ADAMTSL1: variants seen among roughly 807,000 people sequenced by gnomAD.
ADAMTSL1 encodes ADAMTS-like protein 1.
In ADAMTSL1, 126 loss-of-function variants were observed where a neutral mutation model predicts 201.8. The ratio of observed to expected loss-of-function variants is 0.62; its 90% CI spans 0.54 to 0.72. The LOEUF (loss-of-function observed/expected upper bound fraction) is 0.72. ADAMTSL1 is among the 30% of genes least tolerant of loss of function. The probability of loss-of-function intolerance (pLI) is 0.00; values close to 1 mark genes in which losing one functional copy is unlikely to be tolerated. For synonymous variants in ADAMTSL1, 1,121 were observed against 903.4 expected, an observed-to-expected ratio of 1.24 and a Z score of -4.32; for missense variants, 2,679 against 2,277.8, an observed-to-expected ratio of 1.18 and a Z score of -3.59.
intron 7 of ADAMTSL1, among the ~76,000 whole-genome samples, chr9:18,652,329 T>A (rs1487628357): frequency 1.5e-5 from 2 of 137,530 alleles, no homozygotes; most frequent in African/African-American, 2.8e-5. Context: ...TGCACCATTG[T>A]ACTCCAGCTT....
chr9:18,714,371 A>G (rs924222002), intron 14 of ADAMTSL1, among the ~76,000 whole-genome samples: 4 of 152,202 alleles, frequency 2.6e-5, no homozygotes, highest in East Asian at 1.9e-4. Flanking sequence ...ATAAAGAAAA[A>G]AAGAAGAATC....
chr9:17,980,157 G>A (rs908469494), intron 1 of ADAMTSL1, among the ~76,000 whole-genome samples: 2 of 152,038 alleles, frequency 1.3e-5, no homozygotes, highest in Admixed American at 1.3e-4. Flanking sequence ...TCTTAAATGA[G>A]TATTTTCTTA....
At chr9:18,615,356 G>T (rs1825631953) in intron 4 of ADAMTSL1, among the ~76,000 whole-genome samples, 1 of 152,192 alleles carries the variant, frequency 6.6e-6, no homozygotes, top group South Asian at 2.1e-4. Flanking sequence ...GGTGTTGTTG[G>T]GGCTGAGCCC....
chr9:18,528,021 GT>G (rs1236483716), intron 2 of ADAMTSL1, among the ~76,000 whole-genome samples: 1 of 151,976 alleles, frequency 6.6e-6, no homozygotes, highest in Non-Finnish European at 1.5e-5. Flanking sequence ...GGGATTACAG[GT>G]GCCTGCCACC....
intron 12 of ADAMTSL1, among the ~76,000 whole-genome samples, chr9:18,684,309 A>G (rs576164278): frequency 6.6e-6 from 1 of 152,352 alleles, no homozygotes; most frequent in East Asian, 1.9e-4. Context: ...CAAAAAAAAA[A>G]AAGTTAGAAT....
At chr9:18,649,191 G>T (rs1035046070) in intron 7 of ADAMTSL1, among the ~76,000 whole-genome samples, 5 of 152,122 alleles carry the variant, frequency 3.3e-5, no homozygotes, top group Non-Finnish European at 5.9e-5. Flanking sequence ...AGCTCCTGAG[G>T]CTTCTGCATT....
chr9:18,842,604 T>C (rs1825795847), intron 23 of ADAMTSL1, among the ~76,000 whole-genome samples: 1 of 152,206 alleles, frequency 6.6e-6, no homozygotes, highest in Admixed American at 6.5e-5. Flanking sequence ...ATTAACTTTC[T>C]GTCTTGTTGA....
intron 15 of ADAMTSL1, among the ~76,000 whole-genome samples, chr9:18,736,896 AC>A (rs1251993849): frequency 2.6e-5 from 4 of 152,332 alleles, no homozygotes; most frequent in Admixed American, 6.5e-5. Flanking sequence ...TTTGCTACTT[AC>A]CACATTTTGG....
intron 1 of ADAMTSL1, among the ~76,000 whole-genome samples, chr9:17,979,100 A>C (rs1225903818): frequency 6.6e-6 from 1 of 152,062 alleles, no homozygotes. Context: ...CTGCTTTAAA[A>C]AATTTCCCTC....
chr9:18,524,075 C>T (rs1042736458), intron 2 of ADAMTSL1, among the ~76,000 whole-genome samples: 1 of 150,714 alleles, frequency 6.6e-6, no homozygotes, highest in Non-Finnish European at 1.5e-5. Flanking sequence ...TACCCATGAG[C>T]ATGGAATGTT....
At chr9:18,018,704 C>G (rs143733836) in intron 1 of ADAMTSL1, among the ~76,000 whole-genome samples, 1 of 152,038 alleles carries the variant, frequency 6.6e-6, no homozygotes. Context: ...GACCACAGCC[C>G]CAGTCATCAA....
chr9:18,468,355 T>C (rs1821086095), intron 2 of ADAMTSL1, among the ~76,000 whole-genome samples: 1 of 152,220 alleles, frequency 6.6e-6, no homozygotes, highest in African/African-American at 2.4e-5. Context: ...ACAAGTATCT[T>C]TGAATTTGAA....
rs1477442585 is a variant in ADAMTSL1 at position 18,753,444 on chromosome 9, G to A, written c.2153G>A (p.Ser718Asn). 6.2e-7 allele frequency: 1 copy of A among 1,613,538 alleles called. No homozygotes were observed. Among genetic ancestry groups the A allele is most frequent in the East Asian group, 2.2e-5 (1 of 44,854 alleles). The change falls in exon 16 of 29, where the codon AGC becomes AAC. Residue 718 changes from serine to asparagine, a missense_variant. Coordinates refer to ENST00000380548, the MANE Select transcript of ADAMTSL1 (RefSeq NM_001040272.6). Reference protein sequence around the residue: ...ADELCRQPKPSTVQACNRFNC... With the variant: ...ADELCRQPKPNTVQACNRFNC... ...GAGCTGTGTCGCCAGCCCAAGCCCA[G>A]CACGGTGCAAGCTTGTAACCGCTTT...
chr9:18,431,088 A>G (rs1399514934), intron 2 of ADAMTSL1, among the ~76,000 whole-genome samples: 1 of 152,226 alleles, frequency 6.6e-6, no homozygotes, highest in African/African-American at 2.4e-5. Flanking sequence ...GCCCTCTACT[A>G]GGTGTACACA....
At chr9:18,397,318 G>A (rs943453266) in intron 2 of ADAMTSL1, among the ~76,000 whole-genome samples, 3 of 152,040 alleles carry the variant, frequency 2.0e-5, no homozygotes, top group Admixed American at 6.6e-5. Flanking sequence ...TTCTTTTCAA[G>A]AAGAGAAAGG....
chr9:18,890,590 C>T (rs183324456), intron 25 of ADAMTSL1: 18 of 455,904 alleles, frequency 3.9e-5, no homozygotes, highest in East Asian at 2.8e-4. Context: ...AGGAGAGATT[C>T]GATGAAATAT....
chr9:18,244,509 A>AC (rs1425298592), intron 2 of ADAMTSL1, among the ~76,000 whole-genome samples: 1 of 151,912 alleles, frequency 6.6e-6, no homozygotes, highest in Non-Finnish European at 1.5e-5. Context: ...GCCAAACTCA[A>AC]CTACTCTCTC....
At chr9:18,029,402 T>A (rs1408782436) in intron 1 of ADAMTSL1, among the ~76,000 whole-genome samples, 2 of 152,122 alleles carry the variant, frequency 1.3e-5, no homozygotes, top group Non-Finnish European at 2.9e-5. Context: ...TAATTCGAAA[T>A]GGATTAAAGA....
chr9:18,206,053 CAAAAAAAAAAAAAAAAAAAAA>C (rs71333031), intron 2 of ADAMTSL1, among the ~76,000 whole-genome samples: 2 of 54,338 alleles, frequency 3.7e-5, no homozygotes, highest in Non-Finnish European at 6.0e-5. Flanking sequence ...GACTCCATCT[CAAAAAAAAAAAAAAAAAAAAA>C]AAAAAAAAAA....
Sources: allele counts gnomAD v4.1 joint callset (sites outside exome capture counted in the v4.1 genomes callset), GRCh38; gene constraint gnomAD v4.1.1; transcripts MANE v1.5; gene names NCBI Gene and HGNC (gene_info 2026-07-23, HGNC 2026-07-21).